RYR2: variants seen among roughly 807,000 people sequenced by gnomAD.
RYR2 encodes the protein ryanodine receptor 2, also known as cardiac muscle ryanodine receptor-calcium release channel.
Under a neutral mutation model 601.1 loss-of-function variants are expected in RYR2, and 227 were observed. The ratio of observed to expected loss-of-function variants is 0.38; its 90% CI spans 0.34 to 0.42. The LOEUF (loss-of-function observed/expected upper bound fraction) is 0.42, where lower values mean the gene tolerates loss of function less well. RYR2 is among the 10% of genes least tolerant of loss of function. The pLI is 1.00. For missense variants in RYR2, 4,646 were observed against 6,156.5 expected, an observed-to-expected ratio of 0.75 and a Z score of 8.21; for synonymous variants, 2,223 against 2,175.1, an observed-to-expected ratio of 1.02 and a Z score of -0.61.
chr1:237,405,490 C>A (rs1703770402), intron 10 of RYR2, among the ~76,000 whole-genome samples: 1 of 152,188 alleles, frequency 6.6e-6, no homozygotes, highest in Non-Finnish European at 1.5e-5. Flanking sequence ...AACTTCTATC[C>A]TAAATGTTCA....
intron 1 of RYR2, among the ~76,000 whole-genome samples, chr1:237,213,915 C>CTTTTTTTTTTTTTTTTTTTTTTTTTTTT (rs71180008): frequency 2.1e-4 from 14 of 65,482 alleles, no homozygotes; most frequent in Non-Finnish European, 3.2e-4. Context: ...TTTTCTTTTT[C>CTTTTTTTTTTTTTTTTTTTTTTTTTTTT]TTTTTTTTTT....
chr1:237,232,543 A>G (rs1351975194), intron 1 of RYR2, among the ~76,000 whole-genome samples: 2 of 152,168 alleles, frequency 1.3e-5, no homozygotes, highest in African/African-American at 4.8e-5. Context: ...ACCAGTAAAT[A>G]TAAGTAGGTG....
At chr1:237,048,152 G>A (rs1239061314) in intron 1 of RYR2, among the ~76,000 whole-genome samples, 7 of 152,118 alleles carry the variant, frequency 4.6e-5, no homozygotes, top group African/African-American at 9.7e-5. Flanking sequence ...TGGCACTGCC[G>A]TTTGTGGCTG....
rs1314897219 is a variant in RYR2 at position 237,546,390 on chromosome 1, T to TG, written c.2907-2041_2907-2040insG. On this transcript the variant is annotated intron_variant, in intron 25 of 104. Coordinates refer to ENST00000366574, the MANE Select transcript of RYR2 (RefSeq NM_001035.3). ...ATTACTTTTTTGTTGTTGTTGTTGTTTTTTTGAGACAGAGTCTCGCCGTGT... is the reference window on the plus strand; with the variant it reads ...ATTACTTTTTTGTTGTTGTTGTTGTTGTTTTTGAGACAGAGTCTCGCCGTGT... 6.6e-5 allele frequency among the ~76,000 whole-genome samples: 10 copies of TG among 151,974 alleles called. No homozygotes were observed. The South Asian group carries it at 1.5e-3, about 22-fold the overall frequency.
intron 1 of RYR2, among the ~76,000 whole-genome samples, chr1:237,233,161 C>A (rs1277295200): frequency 6.6e-6 from 1 of 152,120 alleles, no homozygotes; most frequent in Non-Finnish European, 1.5e-5. Flanking sequence ...AGGCAGGGCA[C>A]CTGTGTTAAG....
intron 10 of RYR2, among the ~76,000 whole-genome samples, chr1:237,392,844 G>A (rs372941944): frequency 1.8e-4 from 28 of 152,236 alleles, no homozygotes; most frequent in East Asian, 5.8e-4. Context: ...TTGCAATGTC[G>A]AAACTTTTTA....
At chr1:237,827,150 AATTC>A (rs113609147) in intron 101 of RYR2, among the ~76,000 whole-genome samples, 3 of 152,304 alleles carry the variant, frequency 2.0e-5, no homozygotes, top group Admixed American at 6.5e-5. Flanking sequence ...AGGGACTCAT[AATTC>A]ATTCATTGTG....
intron 1 of RYR2, among the ~76,000 whole-genome samples, chr1:237,251,383 C>T (rs1013381811): frequency 6.6e-5 from 10 of 152,278 alleles, no homozygotes; most frequent in Non-Finnish European, 1.0e-4. Flanking sequence ...GTGAACACCA[C>T]GTTGCCAAAT....
intron 24 of RYR2, among the ~76,000 whole-genome samples, chr1:237,520,482 A>G (rs1218743933): frequency 6.6e-6 from 1 of 152,194 alleles, no homozygotes; most frequent in East Asian, 1.9e-4. Flanking sequence ...TGCTCCTTCT[A>G]TCCCTTGTTT....
chr1:237,410,280 C>A (rs539314922), intron 10 of RYR2, among the ~76,000 whole-genome samples: 41 of 152,196 alleles, frequency 2.7e-4, no homozygotes, highest in African/African-American at 9.6e-4. Flanking sequence ...CTCTGAAGCG[C>A]TGTGAATTTG....
At chr1:237,135,210 G>GCAGCAT (rs2148722229) in intron 1 of RYR2, among the ~76,000 whole-genome samples, 1 of 152,232 alleles carries the variant, frequency 6.6e-6, no homozygotes, top group Non-Finnish European at 1.5e-5. Flanking sequence ...CAAGGAAGGT[G>GCAGCAT]CAGCATCACT....
chr1:237,383,682 G>A (rs1262201895), intron 8 of RYR2, among the ~76,000 whole-genome samples: 1 of 151,946 alleles, frequency 6.6e-6, no homozygotes, highest in Non-Finnish European at 1.5e-5. Context: ...GCCCGCCTTG[G>A]CCTCCCAAAG....
chr1:237,373,382 C>T lies in RYR2; in HGVS notation c.385-1335C>T, dbSNP rs891272793. Among the ~76,000 whole-genome samples the T allele has an allele frequency of 3.9e-4, 60 of 152,254 alleles. No homozygotes were observed. The Middle Eastern group carries it at 0.01, about 26-fold the overall frequency. Reference sequence around the variant, plus strand: ...CCTAACATACCAGCATATCTGCCACCGATTGGTTCATCTGCCTTCTCACAC... The same window carrying T: ...CCTAACATACCAGCATATCTGCCACTGATTGGTTCATCTGCCTTCTCACAC... On this transcript the variant is annotated intron_variant, in intron 6 of 104. Transcript: ENST00000366574.
At chr1:237,643,529 T>C (rs2148759018) in intron 48 of RYR2, 82 bp downstream of exon 48, 1 of 1,498,148 alleles carries the variant, frequency 6.7e-7, no homozygotes, top group East Asian at 2.3e-5. Context: ...GTACTCAACA[T>C]CCCAACCTCT....
intron 82 of RYR2, 140 bp downstream of exon 82, chr1:237,757,916 A>T (rs1693091708): frequency 3.9e-6 from 2 of 517,726 alleles, no homozygotes; most frequent in Admixed American, 6.8e-5. Context: ...AAGAGAGAGC[A>T]AAAGAGGGAA....
chr1:237,754,183 A>G (rs1270546847), intron 80 of RYR2, among the ~76,000 whole-genome samples: 2 of 149,608 alleles, frequency 1.3e-5, no homozygotes, highest in East Asian at 3.9e-4. Flanking sequence ...GACTTTCATC[A>G]TCTTCCTCAA....
intron 24 of RYR2, among the ~76,000 whole-genome samples, chr1:237,528,647 G>T (rs1481728923): frequency 6.6e-6 from 1 of 152,096 alleles, no homozygotes; most frequent in African/African-American, 2.4e-5. Context: ...AGTATTGATG[G>T]CATAAAACAC....
intron 11 of RYR2, among the ~76,000 whole-genome samples, chr1:237,417,896 C>T (rs1462540394): frequency 6.6e-6 from 1 of 151,828 alleles, no homozygotes; most frequent in Non-Finnish European, 1.5e-5. Context: ...TGTTTACTTC[C>T]TAGTATATTG....
intron 58 of RYR2, among the ~76,000 whole-genome samples, chr1:237,670,764 T>C (rs1442581249): frequency 6.6e-6 from 1 of 152,222 alleles, no homozygotes; most frequent in African/African-American, 2.4e-5. Context: ...TCTGATTTTT[T>C]AAATATTTGC....
Sources: allele counts gnomAD v4.1 joint callset (sites outside exome capture counted in the v4.1 genomes callset), GRCh38; gene constraint gnomAD v4.1.1; transcripts MANE v1.5; gene names NCBI Gene and HGNC (gene_info 2026-07-23, HGNC 2026-07-21).